Variants in FSCN2 observed in about 807,000 individuals in gnomAD.
FSCN2 encodes the protein fascin-2.
A neutral mutation model predicts 37.8 loss-of-function variants in FSCN2; 46 were observed. That is an observed-to-expected ratio of 1.22 (90% CI 0.96 to 1.56). FSCN2 has a LOEUF of 1.56. FSCN2 is among the 40% of genes most tolerant of loss of function. The pLI is 0.00. For synonymous variants in FSCN2, 351 were observed against 309.4 expected (o/e 1.13, Z -1.41); for missense variants, 844 against 730.4 (o/e 1.16, Z -1.79).
rs781975141 is a variant in FSCN2 at position 81,529,141 on chromosome 17, C to G, written c.610C>G (p.Pro204Ala). Residue 204 changes from proline (P) to alanine (A), a missense_variant, in exon 1 of 5, where the codon CCT becomes GCT. Transcript: ENST00000417245. ...CAGCGACGGCCGTCTGGTCTGGGAG[C>G]CTGAGCCCCGTGCCTGCTACACGCT... ...LRSDGRLVWE[P>A]EPRACYTLEF... is the part of the protein sequence containing the mutation. 36 of 1,584,338 alleles carry G rather than the reference C, an allele frequency of 2.3e-5. No homozygotes were observed. Among genetic ancestry groups the G allele is most frequent in the Middle Eastern group, 1.7e-4 (1 of 6,050 alleles).
the FSCN2 span, among the ~76,000 whole-genome samples, chr17:81,522,301 C>T: frequency 2.0e-5 from 3 of 152,208 alleles, no homozygotes; most frequent in South Asian, 6.2e-4. Flanking sequence ...AACTATCATA[C>T]TTTTAATTCC....
intron 1 of FSCN2, among the ~76,000 whole-genome samples, chr17:81,531,648 ATGATAG>A (rs1187776467): frequency 2.4e-4 from 16 of 65,384 alleles, no homozygotes; most frequent in Admixed American, 6.6e-4. Context: ...GGTGGTGGTG[ATGATAG>A]TGATGGTGAT....
chr17:81,524,666 G>A (rs1266246080), upstream of FSCN2, among the ~76,000 whole-genome samples: 1 of 152,178 alleles, frequency 6.6e-6, no homozygotes, highest in Admixed American at 6.5e-5. Flanking sequence ...ACTGCAGGGG[G>A]CTAGAGTGCC....
the FSCN2 span, among the ~76,000 whole-genome samples, chr17:81,521,846 C>G: frequency 1.3e-5 from 2 of 152,178 alleles, no homozygotes; most frequent in Non-Finnish European, 2.9e-5. Flanking sequence ...GAACAGTGAT[C>G]AAAATCAGGC....
intron 1 of FSCN2, among the ~76,000 whole-genome samples, chr17:81,530,982 T>C (rs2032530255): frequency 6.6e-6 from 1 of 152,218 alleles, no homozygotes; most frequent in South Asian, 2.1e-4. Context: ...GCTTCCTCCA[T>C]GGAAGCCAAA....
upstream of FSCN2, among the ~76,000 whole-genome samples, chr17:81,528,204 A>G (rs965169117): frequency 6.6e-6 from 1 of 152,158 alleles, no homozygotes; most frequent in Non-Finnish European, 1.5e-5. Context: ...CCAGCCCCGT[A>G]GGCCCTCAGG....
intron 1 of FSCN2, among the ~76,000 whole-genome samples, chr17:81,531,622 TG>T (rs1335724909): frequency 1.3e-4 from 19 of 145,108 alleles, no homozygotes; most frequent in Non-Finnish European, 2.1e-4. Context: ...ATGATGGTGA[TG>T]GTGGTGGTGA....
upstream of FSCN2, among the ~76,000 whole-genome samples, chr17:81,525,129 TAAAA>T (rs1246360764): frequency 3.3e-5 from 5 of 150,500 alleles, no homozygotes; most frequent in African/African-American, 1.2e-4. Context: ...CTAAGATAAA[TAAAA>T]AGAACCAGAC....
intron 1 of FSCN2, among the ~76,000 whole-genome samples, chr17:81,531,345 GTGATGA>G (rs1568077204): frequency 3.4e-5 from 2 of 59,676 alleles, no homozygotes; most frequent in Non-Finnish European, 7.6e-5. Context: ...GATGGTGGTG[GTGATGA>G]TGGTGATGGT....
the FSCN2 span, among the ~76,000 whole-genome samples, chr17:81,515,161 G>C: frequency 3.9e-5 from 6 of 152,296 alleles, no homozygotes; most frequent in East Asian, 1.2e-3. Flanking sequence ...AGCCCGCGGG[G>C]CGCAGGGGGC....
At chr17:81,531,543 A>ATGGTGGTGATGG (rs2032603914) in intron 1 of FSCN2, among the ~76,000 whole-genome samples, 1 of 73,384 alleles carries the variant, frequency 1.4e-5, no homozygotes, top group Non-Finnish European at 2.6e-5. Context: ...GGTGGTGATG[A>ATGGTGGTGATGG]TGGTGATGGC....
In FSCN2 at chr17:81,536,972, C is replaced by T; in HGVS notation, c.1371C>T (p.Gly457=). The T allele has an allele frequency of 6.5e-7, 1 of 1,544,162 alleles. No individual in the cohort carries two copies. Among genetic ancestry groups the T allele is most frequent in the Non-Finnish European group, 8.7e-7 (1 of 1,153,834 alleles). ...TCGTCTTCGAGTTCCGTGAGCGCGG[C>T]CGCCTGGCCATCCGCGCCCGGAGCG... ...EDFVFEFRER[G]RLAIRARSGK... The change falls in exon 5 of 5, where the codon GGC becomes GGT. Residue 457 remains glycine (G), a synonymous_variant. Coordinates refer to ENST00000417245, the MANE Select transcript of FSCN2 (RefSeq NM_012418.4).
At chr17:81,523,174 A>C in the FSCN2 span, among the ~76,000 whole-genome samples, 1 of 152,172 alleles carries the variant, frequency 6.6e-6, no homozygotes, top group Non-Finnish European at 1.5e-5. Flanking sequence ...CGGAGCAGCC[A>C]GCCGTGAACC....
chr17:81,531,002 C>T (rs2032530606), intron 1 of FSCN2, among the ~76,000 whole-genome samples: 1 of 152,258 alleles, frequency 6.6e-6, no homozygotes, highest in Non-Finnish European at 1.5e-5. Flanking sequence ...AGACACTAGA[C>T]CTTTAGGCAT....
chr17:81,515,353 G>T, the FSCN2 span, among the ~76,000 whole-genome samples: 1 of 152,232 alleles, frequency 6.6e-6, no homozygotes, highest in Admixed American at 6.5e-5. Flanking sequence ...GGAGCTGGGG[G>T]TAGCTGGGCG....
Position 81,535,482 on chromosome 17 carries a change from A to C in FSCN2, c.983+274A>C, listed in dbSNP as rs1403872485. On this transcript the variant is annotated intron_variant, in intron 2 of 4. Transcript: ENST00000417245. Reference sequence around the variant, plus strand: ...CTCCATCCCCACCACCCCCACCACCACCAGCCCCATCCCCATCACCACCAT... The same window carrying C: ...CTCCATCCCCACCACCCCCACCACCCCCAGCCCCATCCCCATCACCACCAT... Among the ~76,000 whole-genome samples, 15 of 18,016 alleles carry C rather than the reference A, an allele frequency of 8.3e-4. 3 individuals carry two copies. Among genetic ancestry groups the C allele is most frequent in the African/African-American group, 3.6e-3 (12 of 3,310 alleles). 11.8% of individuals were successfully genotyped at this position (18,016 alleles called of 152,430 possible). A position where few individuals can be genotyped will look rare whatever the true frequency, so the allele number is the denominator to read the frequency against.
upstream of FSCN2, among the ~76,000 whole-genome samples, chr17:81,523,426 G>A (rs1303327200): frequency 6.6e-6 from 1 of 152,240 alleles, no homozygotes; most frequent in African/African-American, 2.4e-5. Flanking sequence ...GGAGCCGATA[G>A]CTCAGCCATG....
chr17:81,537,070 G>A lies in FSCN2; in HGVS notation c.1469G>A (p.Trp490Ter). The A allele has an allele frequency of 6.9e-7, 1 of 1,452,990 alleles. No individual in the cohort carries two copies. The highest frequency in any genetic ancestry group is 9.0e-7 in the Non-Finnish European group (1 of 1,109,946). The allele number at this position is 1,452,990 out of a possible 1,614,324, so 90.0% of individuals were successfully genotyped here. A position where few individuals can be genotyped will look rare whatever the true frequency, so the allele number is the denominator to read the frequency against. Residue 490 changes from tryptophan to a stop codon, truncating the protein, a stop_gained, in exon 5 of 5, where the codon TGG becomes TAG. Coordinates refer to ENST00000417245, the MANE Select transcript of FSCN2 (RefSeq NM_012418.4). LOFTEE classifies it high-confidence loss of function. Reference protein sequence around the residue: ...DADAPAGTALWEY With the variant: ...DADAPAGTAL ...GACGCCCCGGCCGGGACCGCGCTTT[G>A]GGAGTACTGAGGCCGCGCCCAGACC... is the stretch of plus-strand genomic sequence containing the variant.
At chr17:81,529,879 G>A (rs868937653) in intron 1 of FSCN2, among the ~76,000 whole-genome samples, 8 of 152,220 alleles carry the variant, frequency 5.3e-5, no homozygotes, top group Non-Finnish European at 1.0e-4. Flanking sequence ...GCGTGATCTC[G>A]GCTCACTGCA....
Sources: allele counts gnomAD v4.1 joint callset (sites outside exome capture counted in the v4.1 genomes callset), GRCh38; gene constraint gnomAD v4.1.1; transcripts MANE v1.5; gene names NCBI Gene and HGNC (gene_info 2026-07-23, HGNC 2026-07-21).